Variants in PRP4K observed in about 807,000 individuals in gnomAD.
The protein encoded by PRP4K is serine/threonine-protein kinase PRP4 homolog.
chr6:4,034,637 A>G, the PRP4K span, among the ~76,000 whole-genome samples: 1 of 152,108 alleles, frequency 6.6e-6, no homozygotes, highest in Non-Finnish European at 1.5e-5. Context: ...AAAACCCAAA[A>G]ATTGTTTTAA....
chr6:4,037,821 T>C, the PRP4K span, among the ~76,000 whole-genome samples: 8 of 152,044 alleles, frequency 5.3e-5, no homozygotes, highest in African/African-American at 1.9e-4. Context: ...TTTTTCTCTC[T>C]TTTATCAATC....
At chr6:4,023,803 T>C in the PRP4K span, among the ~76,000 whole-genome samples, 4 of 152,040 alleles carry the variant, frequency 2.6e-5, no homozygotes, top group Admixed American at 6.5e-5. Flanking sequence ...AGCCTCAGCC[T>C]CAAGTGATCC....
chr6:4,045,985 G>T, the PRP4K span, among the ~76,000 whole-genome samples: 1 of 152,062 alleles, frequency 6.6e-6, no homozygotes, highest in Admixed American at 6.5e-5. Flanking sequence ...TACTTAGATC[G>T]ATATACTTTT....
At chr6:4,040,227 GTTTC>G in the PRP4K span, among the ~76,000 whole-genome samples, 3 of 151,566 alleles carry the variant, frequency 2.0e-5, no homozygotes, top group Non-Finnish European at 4.4e-5. Context: ...TGTTAGTGAG[GTTTC>G]TTTAAGTTGA....
the PRP4K span, among the ~76,000 whole-genome samples, chr6:4,039,370 T>C: frequency 6.6e-6 from 1 of 152,224 alleles, no homozygotes; most frequent in African/African-American, 2.4e-5. Flanking sequence ...TAGACCTGGC[T>C]ACCAGTAGAG....
chr6:4,027,551 A>G, the PRP4K span, among the ~76,000 whole-genome samples: 5 of 121,078 alleles, frequency 4.1e-5, no homozygotes, highest in Non-Finnish European at 6.3e-5. Context: ...GTGAATAAAT[A>G]TATTTATCTA....
chr6:4,051,956 G>A, the PRP4K span: 1 of 1,524,004 alleles, frequency 6.6e-7, no homozygotes, highest in Non-Finnish European at 8.8e-7. Flanking sequence ...TTTTATTTTA[G>A]GCAAAAGACT....
chr6:4,021,504 CG>C, the PRP4K span: 2 of 1,564,036 alleles, frequency 1.3e-6, no homozygotes, highest in African/African-American at 1.3e-5. Flanking sequence ...AGCTGGAGCC[CG>C]GGGACTGCCG....
chr6:4,021,399 C>T, the PRP4K span: 15 of 1,569,450 alleles, frequency 9.6e-6, no homozygotes, highest in African/African-American at 1.8e-4. Flanking sequence ...CCGCCGCCAC[C>T]GCCGCCGAGG....
the PRP4K span, among the ~76,000 whole-genome samples, chr6:4,022,154 A>ATTTTTTTTTTTTTT: frequency 2.2e-5 from 2 of 92,054 alleles, no homozygotes; most frequent in Non-Finnish European, 3.9e-5. Flanking sequence ...GAGGCCTGGC[A>ATTTTTTTTTTTTTT]TTTTTTTTTT....
At chr6:4,049,167 C>T in the PRP4K span, 1 of 1,387,538 alleles carries the variant, frequency 7.2e-7, no homozygotes. Flanking sequence ...AAGCATGCTG[C>T]TTGATGCAAT....
chr6:4,046,504 G>A, the PRP4K span, among the ~76,000 whole-genome samples: 1 of 152,130 alleles, frequency 6.6e-6, no homozygotes, highest in African/African-American at 2.4e-5. Context: ...GATACATAGA[G>A]ATTTAGATCT....
At chr6:4,031,803 A>G in the PRP4K span, 4 of 1,613,564 alleles carry the variant, frequency 2.5e-6, no homozygotes, top group Non-Finnish European at 3.4e-6. Context: ...GTCTCCAGCA[A>G]AAAGAACTAA....
At chr6:4,026,930 G>A in the PRP4K span, among the ~76,000 whole-genome samples, 3 of 152,116 alleles carry the variant, frequency 2.0e-5, no homozygotes, top group Admixed American at 6.5e-5. Context: ...CATGTATCTG[G>A]GGAAAGCATT....
chr6:4,030,242 T>G, the PRP4K span, among the ~76,000 whole-genome samples: 4 of 152,166 alleles, frequency 2.6e-5, no homozygotes, highest in African/African-American at 9.7e-5. Context: ...CATGCCTGGC[T>G]TGTACATCTG....
the PRP4K span, chr6:4,040,658 C>A: frequency 8.5e-7 from 1 of 1,171,424 alleles, no homozygotes; most frequent in Non-Finnish European, 1.2e-6. Flanking sequence ...TTTAGGTTTA[C>A]AGCAAAATTG....
the PRP4K span, among the ~76,000 whole-genome samples, chr6:4,037,857 A>G: frequency 1.4e-5 from 2 of 141,890 alleles, no homozygotes; most frequent in Admixed American, 7.1e-5. Context: ...AGACTTAGGG[A>G]TTTTTTTTTT....
At chr6:4,056,529 G>T in the PRP4K span, 25 of 1,605,914 alleles carry the variant, frequency 1.6e-5, no homozygotes, top group African/African-American at 3.1e-4. Context: ...CACTTCAGCA[G>T]CTGCACGAGT....
chr6:4,029,711 C>T, the PRP4K span, among the ~76,000 whole-genome samples: 191 of 152,098 alleles, frequency 1.3e-3, no homozygotes, highest in African/African-American at 4.3e-3. Context: ...TTCCTCCTAA[C>T]ATCCCTGCTT....
Sources: gnomAD v4.1 joint callset for allele counts (sites outside exome capture counted in the v4.1 genomes callset) on GRCh38, gnomAD v4.1.1 for gene constraint, MANE v1.5 for transcripts, NCBI Gene and HGNC (gene_info 2026-07-23, HGNC 2026-07-21) for gene names.